The following BBIP1 variants were observed in gnomAD, a reference collection of about 807,000 sequenced individuals.
The protein encoded by BBIP1 is BBSome interacting protein 1.
BBIP1 carries 6 observed loss-of-function variants against 8.9 expected under a neutral mutation model. That is an observed-to-expected ratio of 0.67 (90% confidence interval 0.37 to 1.33). BBIP1 has a LOEUF of 1.33. Among genes scored for constraint, BBIP1 ranks in the 40% most tolerant of loss-of-function variants. The pLI is 0.02. For missense variants in BBIP1, 111 were observed against 109.2 expected (o/e 1.02, Z -0.07); for synonymous variants, 32 against 33.4 (o/e 0.96, Z 0.14).
intron 2 of BBIP1, among the ~76,000 whole-genome samples, chr10:110,917,441 TG>T (rs1447251148): frequency 6.6e-6 from 1 of 151,844 alleles, no homozygotes; most frequent in Non-Finnish European, 1.5e-5. Context: ...TGGGGAGGAA[TG>T]AAAAAAAATG....
chr10:110,909,221 C>T (rs1846214270), intron 2 of BBIP1, among the ~76,000 whole-genome samples: 7 of 150,428 alleles, frequency 4.7e-5, no homozygotes, highest in African/African-American at 7.3e-5. Context: ...TTTTTTGAGA[C>T]GGAGTCTTGC....
At chr10:110,913,926 C>T (rs909319853) in intron 2 of BBIP1, among the ~76,000 whole-genome samples, 6 of 152,096 alleles carry the variant, frequency 3.9e-5, no homozygotes, top group Admixed American at 6.6e-5. Context: ...GGAAATTTCA[C>T]AAAAAATCCA....
At chr10:110,916,403 C>T (rs1447713931) in intron 2 of BBIP1, among the ~76,000 whole-genome samples, 14 of 152,100 alleles carry the variant, frequency 9.2e-5, no homozygotes, top group African/African-American at 2.4e-5. Flanking sequence ...AAGTAAATTC[C>T]ACAAACACTT....
intron 2 of BBIP1, among the ~76,000 whole-genome samples, chr10:110,913,876 T>C (rs1846332953): frequency 6.6e-6 from 1 of 152,230 alleles, no homozygotes; most frequent in Admixed American, 6.5e-5. Flanking sequence ...TGTTGGTTTA[T>C]AGGTTTTTAA....
In BBIP1 at chr10:110,899,049, T is replaced by C. The variant is rs994799070; in HGVS notation, c.*1311A>G. The C allele has an allele frequency of 1.3e-5, 2 of 152,194 alleles. No individual in the cohort carries two copies. The highest frequency in any genetic ancestry group is 2.9e-5 in the Non-Finnish European group (2 of 68,018). The allele number at this position is 152,194 out of a possible 1,614,324, so 9.4% of individuals were successfully genotyped here. On this transcript the variant is annotated 3_prime_UTR_variant, in exon 4 of 4. Coordinates refer to ENST00000448814, the MANE Select transcript of BBIP1 (RefSeq NM_001195305.3). ...AATTCTGTTACCAAATAATGGCTAA[T>C]GTTACAAAAAGTTATACTCCAGAGA...
At chr10:110,904,394 G>A (rs866120987) in intron 2 of BBIP1, 3 of 152,158 alleles carry the variant, frequency 2.0e-5, no homozygotes, top group East Asian at 3.8e-4. Context: ...ATAACGTAAA[G>A]GGGATTAAGG....
intron 2 of BBIP1, chr10:110,907,648 A>T (rs1168204389): frequency 1.6e-6 from 1 of 631,800 alleles, no homozygotes; most frequent in Non-Finnish European, 2.8e-6. Flanking sequence ...TACATATAAA[A>T]GTTTAGGATC....
At chr10:110,919,334 C>G (rs187699027), upstream of BBIP1, 404 of 366,402 alleles carry the variant, frequency 1.1e-3, 2 homozygotes, top group African/African-American at 7.3e-3. Context: ...TAGCCAGAGG[C>G]GCCCAGTGGG....
intron 2 of BBIP1, among the ~76,000 whole-genome samples, chr10:110,914,660 C>T (rs537070456): frequency 6.6e-6 from 1 of 152,252 alleles, no homozygotes; most frequent in East Asian, 1.9e-4. Context: ...TGCTATCTGG[C>T]ATCTGCTGGT....
intron 2 of BBIP1, chr10:110,911,773 C>T (rs990311255): frequency 2.6e-5 from 4 of 152,080 alleles, no homozygotes; most frequent in African/African-American, 9.7e-5. Flanking sequence ...AAGGCAAGGT[C>T]TCTTTTCAGT....
At chr10:110,902,498 T>C (rs371589365) in intron 2 of BBIP1, 1 of 152,346 alleles carries the variant, frequency 6.6e-6, no homozygotes, top group African/African-American at 2.4e-5. Flanking sequence ...CCCCCACAGA[T>C]TTATTATTTA....
intron 1 of BBIP1, among the ~76,000 whole-genome samples, chr10:110,918,662 C>A (rs1210883617): frequency 1.3e-5 from 2 of 152,224 alleles, no homozygotes; most frequent in Non-Finnish European, 2.9e-5. Context: ...TGGGTTAGGG[C>A]GGCCTGTAGA....
At position 110,900,375 on chromosome 10, in the gene BBIP1, C is replaced by T. The variant is rs1346169224; in HGVS notation, c.264G>A (p.Arg88=). 1 of 1,534,482 alleles carries T rather than the reference C, an allele frequency of 6.5e-7. No homozygotes were observed. The highest frequency in any genetic ancestry group is 8.7e-7 in the Non-Finnish European group (1 of 1,146,632). Residue 88 remains arginine, a synonymous_variant, in exon 4 of 4, where the codon CGG becomes CGA. Transcript: ENST00000448814. ...RQQEMAEKDQ[R]QITH ...CAGTTATCATTCAGTGGGTTATTTG[C>T]CGTTGATCCTTTTCTGCCATTTCTT... is the stretch of plus-strand genomic sequence containing the variant.
intron 2 of BBIP1, among the ~76,000 whole-genome samples, chr10:110,916,321 T>C (rs761704895): frequency 6.6e-6 from 1 of 152,218 alleles, no homozygotes; most frequent in Non-Finnish European, 1.5e-5. Context: ...TTATCTTTCA[T>C]GATCAAATAT....
At chr10:110,907,516 A>C in intron 2 of BBIP1, 1 of 135,644 alleles carries the variant, frequency 7.4e-6, no homozygotes, top group South Asian at 1.5e-4. Context: ...TTGTCTCAAG[A>C]AAAAAAAAAA....
intron 2 of BBIP1, among the ~76,000 whole-genome samples, chr10:110,916,467 T>C (rs1202894454): frequency 6.6e-6 from 1 of 152,228 alleles, no homozygotes; most frequent in African/African-American, 2.4e-5. Context: ...AAGTATAATC[T>C]TGATTTTGCA....
rs1280489142 is a variant in BBIP1, at chr10:110,898,734, G to A, written c.*1626C>T. 1 of 152,558 alleles carries A rather than the reference G, an allele frequency of 6.6e-6. No individual in the cohort carries two copies. The highest frequency in any genetic ancestry group is 1.5e-5 in the Non-Finnish European group (1 of 68,016). The allele number at this position is 152,558 out of a possible 1,614,324, so 9.5% of individuals were successfully genotyped here. On this transcript the variant is annotated 3_prime_UTR_variant, in exon 4 of 4. Coordinates refer to ENST00000448814, the MANE Select transcript of BBIP1 (RefSeq NM_001195305.3). Reference sequence around the variant, plus strand: ...TGTACACCAAAATAAAACATGTGAAGCAGTATTGATTCTTTATTGGGAGTA... The same window carrying A: ...TGTACACCAAAATAAAACATGTGAAACAGTATTGATTCTTTATTGGGAGTA...
At chr10:110,904,622 T>C (rs1446333906) in intron 2 of BBIP1, 1 of 152,244 alleles carries the variant, frequency 6.6e-6, no homozygotes, top group Admixed American at 6.5e-5. Flanking sequence ...TATTTTGCAG[T>C]ACTGTATCTA....
chr10:110,908,028 G>A lies in BBIP1; in HGVS notation c.38-6416C>T, dbSNP rs1483283148. On this transcript the variant is annotated intron_variant, in intron 2 of 3. Transcript: ENST00000448814. Reference sequence around the variant, plus strand: ...GCCTAGAACACACTTTGTATTCCTAGGGCAATGTCACTTTCAATATGGCAT... The same window carrying A: ...GCCTAGAACACACTTTGTATTCCTAAGGCAATGTCACTTTCAATATGGCAT... The A allele has an allele frequency of 2.9e-5, 11 of 385,762 alleles. No homozygotes were observed. In the East Asian group the frequency reaches 4.6e-4, roughly 16 times the overall value. 23.9% of individuals were successfully genotyped at this position (385,762 alleles called of 1,614,324 possible).
Sources: gnomAD v4.1 joint callset for allele counts (sites outside exome capture counted in the v4.1 genomes callset) on GRCh38, gnomAD v4.1.1 for gene constraint, MANE v1.5 for transcripts, NCBI Gene and HGNC (gene_info 2026-07-23, HGNC 2026-07-21) for gene names.